KLHL2: variants seen among roughly 807,000 people sequenced by gnomAD.
The protein encoded by KLHL2 is kelch-like protein 2.
Under a neutral mutation model 75.8 loss-of-function variants are expected in KLHL2, and 15 were observed. That is an observed-to-expected ratio of 0.20 (90% CI 0.13 to 0.30). The LOEUF (loss-of-function observed/expected upper bound fraction) is 0.30, where lower values mean the gene tolerates loss of function less well. Ranked by LOEUF, KLHL2 falls within the 10% of genes least tolerant of loss-of-function variation. The probability of loss-of-function intolerance (pLI) is 1.00; values close to 1 mark genes in which losing one functional copy is unlikely to be tolerated. For missense variants in KLHL2, 381 were observed against 741.0 expected (o/e 0.51, Z 5.64); for synonymous variants, 214 against 251.9 (o/e 0.85, Z 1.42).
chr4:165,251,811 G>A (rs1291570315), intron 4 of KLHL2, among the ~76,000 whole-genome samples: 1 of 151,638 alleles, frequency 6.6e-6, no homozygotes, highest in African/African-American at 2.4e-5. Context: ...GGGTTTCACC[G>A]TTTTAGCCGG....
chr4:165,274,495 G>A (rs1265623305), intron 5 of KLHL2, among the ~76,000 whole-genome samples: 1 of 152,044 alleles, frequency 6.6e-6, no homozygotes. Context: ...TGTAGTCCCA[G>A]CTATTTGGGA....
rs762220454 is a variant in KLHL2 at position 165,228,649 on chromosome 4, T to G, written c.153-158T>G. Among the ~76,000 whole-genome samples the G allele has an allele frequency of 2.6e-5, 4 of 152,206 alleles. 1 individual carries two copies. The South Asian group carries it at 6.2e-4, about 24-fold the overall frequency. On this transcript the variant is annotated intron_variant, in intron 2 of 14. Transcript: ENST00000226725. ...GGACCTTTATCCCAGCTGTTTTCTATGTACTTCATGTTTAGGGATCATGTC... is the reference window on the plus strand; with the variant it reads ...GGACCTTTATCCCAGCTGTTTTCTAGGTACTTCATGTTTAGGGATCATGTC...
chr4:165,216,089 T>A (rs1487480895), intron 1 of KLHL2, among the ~76,000 whole-genome samples: 5 of 152,212 alleles, frequency 3.3e-5, no homozygotes, highest in Non-Finnish European at 7.3e-5. Context: ...CTCAGAATTG[T>A]TACAGCAGGT....
At position 165,319,389 on chromosome 4, in the gene KLHL2, G is replaced by A. The variant is rs948170883; in HGVS notation, c.1753+1420G>A. On this transcript the variant is annotated intron_variant, in intron 14 of 14. Transcript: ENST00000226725. This position sits in a 1 kb window ranked among gnomAD's most constrained non-coding sequence, Gnocchi z 4.5. ...AAGTGCTTCAACGAAGCAGAGAAGA[G>A]TCATGACATTACAAGAAAAAGCTGA... Among the ~76,000 whole-genome samples, 1 of 152,190 alleles carries A rather than the reference G, an allele frequency of 6.6e-6. No homozygotes were observed. Among genetic ancestry groups the A allele is most frequent in the African/African-American group, 2.4e-5 (1 of 41,446 alleles).
At chr4:165,312,151 A>G (rs1263712713) in intron 11 of KLHL2, among the ~76,000 whole-genome samples, 4 of 152,252 alleles carry the variant, frequency 2.6e-5, no homozygotes, top group East Asian at 1.9e-4. Context: ...CTCAGCTGTA[A>G]TACTTGCTCA....
intron 1 of KLHL2, among the ~76,000 whole-genome samples, chr4:165,216,336 C>T (rs1737540711): frequency 6.6e-6 from 1 of 152,164 alleles, no homozygotes; most frequent in Non-Finnish European, 1.5e-5. Context: ...CACTGGGATC[C>T]AAACCCTGGG....
At chr4:165,240,010 C>T (rs1739685747) in intron 4 of KLHL2, among the ~76,000 whole-genome samples, 2 of 152,078 alleles carry the variant, frequency 1.3e-5, no homozygotes, top group South Asian at 4.1e-4. Flanking sequence ...TATGATTTTT[C>T]ACCTTTATAA....
intron 3 of KLHL2, among the ~76,000 whole-genome samples, chr4:165,236,419 GTT>G (rs1239431664): frequency 3.3e-5 from 5 of 152,112 alleles, no homozygotes; most frequent in Non-Finnish European, 4.4e-5. Context: ...GTCTTGCTGT[GTT>G]GCCCAGGCTA....
At chr4:165,279,121 A>G (rs762638548) in intron 5 of KLHL2, 2 of 1,599,412 alleles carry the variant, frequency 1.3e-6, no homozygotes, top group Non-Finnish European at 1.7e-6. Flanking sequence ...CAATAGTCCC[A>G]AAAAGAGCTC....
At chr4:165,247,609 A>C (rs1477949686) in intron 4 of KLHL2, among the ~76,000 whole-genome samples, 1 of 150,708 alleles carries the variant, frequency 6.6e-6, no homozygotes, top group Non-Finnish European at 1.5e-5. Flanking sequence ...GGGAGCAGGA[A>C]AACTTCTCTG....
chr4:165,247,304 G>A (rs1283300376), intron 4 of KLHL2, among the ~76,000 whole-genome samples: 1 of 152,136 alleles, frequency 6.6e-6, no homozygotes, highest in Non-Finnish European at 1.5e-5. Flanking sequence ...CTGGTTTGGA[G>A]TGGACTAAGA....
intron 3 of KLHL2, among the ~76,000 whole-genome samples, chr4:165,231,436 G>A (rs1305051702): frequency 6.6e-6 from 1 of 151,342 alleles, no homozygotes; most frequent in African/African-American, 2.4e-5. Context: ...GTGACAGAGT[G>A]AGAAAAAAAA....
intron 4 of KLHL2, among the ~76,000 whole-genome samples, chr4:165,250,433 G>A (rs1386537372): frequency 6.6e-6 from 1 of 152,144 alleles, no homozygotes; most frequent in Non-Finnish European, 1.5e-5. Context: ...CATTAATGTG[G>A]AACAACTCAG....
intron 4 of KLHL2, among the ~76,000 whole-genome samples, chr4:165,253,440 GA>G (rs958310209): frequency 3.9e-5 from 6 of 152,052 alleles, no homozygotes; most frequent in South Asian, 2.1e-4. Context: ...ATAATGACAG[GA>G]AAAAAAGTTT....
chr4:165,232,051 CTT>C (rs1261835064), intron 3 of KLHL2, among the ~76,000 whole-genome samples: 1 of 152,072 alleles, frequency 6.6e-6, no homozygotes, highest in Admixed American at 6.6e-5. Flanking sequence ...TTAGGCTAAA[CTT>C]TTATGGTTTT....
chr4:165,229,065 C>T (rs376107184), intron 3 of KLHL2, 152 bp downstream of exon 3: 15 of 573,278 alleles, frequency 2.6e-5, no homozygotes, highest in East Asian at 1.7e-4. Context: ...AATTCCTCCT[C>T]GTCTTTGTTT....
chr4:165,309,092 T>C (rs1020304525), intron 9 of KLHL2, among the ~76,000 whole-genome samples: 1 of 152,240 alleles, frequency 6.6e-6, no homozygotes, highest in Admixed American at 6.5e-5. Flanking sequence ...TTCAGAGAAC[T>C]GTGAGCCACA....
chr4:165,305,477 A>G, intron 8 of KLHL2, 131 bp from the exon 9 acceptor site: 1 of 699,636 alleles, frequency 1.4e-6, no homozygotes, highest in Non-Finnish European at 2.6e-6. Context: ...AGGTGGTTAG[A>G]TGTTTGTATT....
chr4:165,234,708 G>A lies in KLHL2; in HGVS notation c.260-4070G>A, dbSNP rs186016061. ...CAGCTCACTGCAGCCTCCGTCTCCC[G>A]GTTTCAAGCGATTCTCCTGCCTCAG... On this transcript the variant is annotated intron_variant, in intron 3 of 14. Coordinates refer to ENST00000226725, the MANE Select transcript of KLHL2 (RefSeq NM_007246.4). 2.4e-3 allele frequency among the ~76,000 whole-genome samples: 350 copies of A among 148,544 alleles called. 2 individuals carry two copies. The highest frequency in any genetic ancestry group is 7.9e-3 in the African/African-American group (319 of 40,212).
Sources: gnomAD v4.1 joint callset for allele counts (sites outside exome capture counted in the v4.1 genomes callset) on GRCh38, gnomAD v4.1.1 for gene constraint, Gnocchi (gnomAD v3.1) non-coding constraint, MANE v1.5 for transcripts, NCBI Gene and HGNC (gene_info 2026-07-23, HGNC 2026-07-21) for gene names.